The following RNF213 variants were observed in gnomAD, a reference collection of about 807,000 sequenced individuals.
RNF213 encodes the protein E3 ubiquitin-protein ligase RNF213.
A neutral mutation model predicts 514.4 loss-of-function variants in RNF213; 341 were observed. The ratio of observed to expected loss-of-function variants is 0.66; its 90% CI spans 0.61 to 0.73. The LOEUF is 0.73. Ranked by LOEUF, RNF213 falls within the 30% of genes least tolerant of loss-of-function variation. RNF213 has a pLI of 0.00. For synonymous variants in RNF213, 2,655 were observed against 2,658.2 expected, an observed-to-expected ratio of 1.00 and a Z score of 0.04; for missense variants, 5,767 against 6,615.6, an observed-to-expected ratio of 0.87 and a Z score of 4.45.
At chr17:80,349,486 C>T (rs2078426614) in intron 29 of RNF213, among the ~76,000 whole-genome samples, 2 of 152,118 alleles carry the variant, frequency 1.3e-5, no homozygotes, top group Admixed American at 1.3e-4. Context: ...ATGAGAATCT[C>T]AAGTACGGAC....
chr17:80,338,104 TAAG>T lies in RNF213; in HGVS notation c.4833+111_4833+113del, dbSNP rs2078041939. Reference sequence around the variant, plus strand: ...AGGATTTGACTTGGGATTTGACTGATAAGAAGGGCTCTGCTCTTAGGCCCATGG... The same window carrying T: ...AGGATTTGACTTGGGATTTGACTGATAAGGGCTCTGCTCTTAGGCCCATGG... On this transcript the variant is annotated intron_variant, in intron 25 of 67. Coordinates refer to ENST00000582970, the MANE Select transcript of RNF213 (RefSeq NM_001256071.3). 9 of 1,342,580 alleles carry T rather than the reference TAAG, an allele frequency of 6.7e-6. No homozygotes were observed. In the East Asian group the frequency reaches 2.0e-4, roughly 30 times the overall value. 83.2% of individuals were successfully genotyped at this position (1,342,580 alleles called of 1,614,324 possible).
chr17:80,266,322 G>A (rs963534564), intron 2 of RNF213, among the ~76,000 whole-genome samples: 1 of 151,670 alleles, frequency 6.6e-6, no homozygotes, highest in Non-Finnish European at 1.5e-5. Flanking sequence ...GCTGGAGCAG[G>A]AGGATCACTT....
chr17:80,389,415 C>T (rs1318844946), intron 65 of RNF213, 48 bp downstream of exon 65: 1 of 1,547,520 alleles, frequency 6.5e-7, no homozygotes, highest in African/African-American at 1.4e-5. Flanking sequence ...TCACCCTGGT[C>T]TCCTGCTTCC....
rs936851019 is a variant in RNF213 at position 80,289,672 on chromosome 17, A to G, written c.947A>G (p.Lys316Arg). 1.2e-6 allele frequency: 2 copies of G among 1,614,114 alleles called. No individual in the cohort carries two copies. Among genetic ancestry groups the G allele is most frequent in the Non-Finnish European group, 1.7e-6 (2 of 1,180,022 alleles). Residue 316 changes from lysine to arginine, a missense_variant, in exon 6 of 68, where the codon AAG becomes AGG. Around this residue, in one of 13 missense-constraint regions of RNF213, gnomAD observed 509 missense variants for 496.7 expected, o/e 1.02. Transcript: ENST00000582970. ...TCCTTGTTCCAGGAAGCTGAGACCA[A>G]GACCAAGGACGAGATGGCTGCTGCT... is the stretch of plus-strand genomic sequence containing the variant. ...FKTHCQEAETKTKDEMAAAEE... is the reference protein window; with the variant it reads ...FKTHCQEAETRTKDEMAAAEE...
At position 80,264,876 on chromosome 17, in the gene RNF213, C is replaced by T. The variant is rs1404689737; in HGVS notation, c.97+1098C>T. Reference sequence around the variant, plus strand: ...AGAGCCCACCACCTTCTGGCCCTTCCTGGATACACCAGGTGTGCTTCCACC... The same window carrying T: ...AGAGCCCACCACCTTCTGGCCCTTCTTGGATACACCAGGTGTGCTTCCACC... On this transcript the variant is annotated intron_variant, in intron 2 of 67. Transcript: ENST00000582970. The surrounding 1 kb of genome is among the most constrained non-coding windows in gnomAD (Gnocchi z 5.0). Among the ~76,000 whole-genome samples the T allele has an allele frequency of 1.3e-5, 2 of 152,076 alleles. No homozygotes were observed. The highest frequency in any genetic ancestry group is 4.8e-5 in the African/African-American group (2 of 41,400).
At chr17:80,342,710 CATATATAGTATGTATATATATATTATAT>C (rs2078192416) in intron 26 of RNF213, among the ~76,000 whole-genome samples, 1 of 142,330 alleles carries the variant, frequency 7.0e-6, no homozygotes, top group African/African-American at 2.6e-5. Flanking sequence ...TCTATATATA[CATATATAGTATGTATATATATATTATAT>C]ATATATTGTA....
rs1442078561 is a variant in RNF213 at position 80,372,618 on chromosome 17, G to C, written c.12635G>C (p.Ser4212Thr). The change falls in exon 48 of 68, where the codon AGC becomes ACC. Residue 4212 changes from serine (S) to threonine (T), a missense_variant. Coordinates refer to ENST00000582970, the MANE Select transcript of RNF213 (RefSeq NM_001256071.3). ...GRFLKAYSPA[S>T]RGREPANEAS... The stretch of plus-strand genomic sequence containing the variant: ...TTCCTTAAGGCATATTCTCCAGCAA[G>C]CCGGGGCCGAGAGCCTGCCAACGAG... 3.1e-6 allele frequency: 5 copies of C among 1,613,912 alleles called. No homozygotes were observed. Among genetic ancestry groups the C allele is most frequent in the Admixed American group, 1.7e-5 (1 of 59,982 alleles).
intron 3 of RNF213, among the ~76,000 whole-genome samples, chr17:80,280,106 G>C (rs1472703135): frequency 3.3e-5 from 5 of 149,680 alleles, no homozygotes; most frequent in Non-Finnish European, 7.4e-5. Flanking sequence ...GTGGGCTGGG[G>C]CTTGGCCGTG....
chr17:80,353,083 G>T lies in RNF213; in HGVS notation c.10423+24G>T, dbSNP rs747217825. On this transcript the variant is annotated intron_variant, in intron 33 of 67. Coordinates refer to ENST00000582970, the MANE Select transcript of RNF213 (RefSeq NM_001256071.3). This position sits in a 1 kb window ranked among gnomAD's most constrained non-coding sequence, Gnocchi z 5.0. ...GCGTGAGTCACGAGGCGGAGCCCCT[G>T]GGGGAGCAGGTGGTGGAAGGGCAGA... 6 of 1,608,962 alleles carry T rather than the reference G, an allele frequency of 3.7e-6. No homozygotes were observed. The highest frequency in any genetic ancestry group is 3.3e-4 in the Middle Eastern group (2 of 6,062).
rs114101754 is a variant in RNF213, at chr17:80,324,468, T to C, written c.3025-562T>C. On this transcript the variant is annotated intron_variant, in intron 17 of 67. Transcript: ENST00000582970. ...ATAGTTCCTTTAACATGGGGCTGGATAAGGTTTTCTTTTATCCTTTTAAAT... is the reference window on the plus strand; with the variant it reads ...ATAGTTCCTTTAACATGGGGCTGGACAAGGTTTTCTTTTATCCTTTTAAAT... Among the ~76,000 whole-genome samples, 277 of 152,332 alleles carry C rather than the reference T, an allele frequency of 1.8e-3. 1 individual carries two copies. Among genetic ancestry groups the C allele is most frequent in the African/African-American group, 6.3e-3 (264 of 41,578 alleles).
At position 80,295,569 on chromosome 17, in the gene RNF213, C is replaced by T. The variant is rs2044906270; in HGVS notation, c.1768C>T (p.Leu590=). The change falls in exon 10 of 68, where the codon CTG becomes TTG. Residue 590 remains leucine (L), a synonymous_variant. Transcript: ENST00000582970. ...QYREKEVKRY[L]WQHLKKHVVP... is the part of the protein sequence containing the mutation. ...CTCCCACCATCAGGTGAAGAGATAC[C>T]TGTGGCAACATCTGAAAAAACACGT... 1.9e-6 allele frequency: 3 copies of T among 1,614,168 alleles called. No individual in the cohort carries two copies. Among genetic ancestry groups the T allele is most frequent in the Non-Finnish European group, 2.5e-6 (3 of 1,180,024 alleles).
chr17:80,381,894 C>T (rs190700835), intron 57 of RNF213, 167 bp downstream of exon 57: 48 of 718,672 alleles, frequency 6.7e-5, no homozygotes, highest in South Asian at 3.6e-4. Flanking sequence ...CTAGGGAAGG[C>T]GATGCCTGGG....
At chr17:80,265,526 A>C (rs180960440) in intron 2 of RNF213, among the ~76,000 whole-genome samples, 2 of 152,348 alleles carry the variant, frequency 1.3e-5, no homozygotes, top group East Asian at 3.9e-4. Context: ...ACCAAGAAAT[A>C]CAGTGATGCT....
chr17:80,366,544 G>T (rs942018167), intron 42 of RNF213, among the ~76,000 whole-genome samples: 4 of 152,070 alleles, frequency 2.6e-5, no homozygotes, highest in African/African-American at 9.7e-5. Context: ...CTGGAGAAAT[G>T]TCCATTCAAG....
intron 3 of RNF213, among the ~76,000 whole-genome samples, chr17:80,277,536 T>C (rs1350480284): frequency 6.9e-6 from 1 of 144,348 alleles, no homozygotes; most frequent in Non-Finnish European, 1.5e-5. Flanking sequence ...AGGCAGAGGT[T>C]GCAGTGAGCC....
chr17:80,352,639 A>G, intron 32 of RNF213: 1 of 600,940 alleles, frequency 1.7e-6, no homozygotes, highest in Non-Finnish European at 3.0e-6. Flanking sequence ...TACAGCAAAT[A>G]CAACAATGCA....
rs776230866 is a variant in RNF213, at chr17:80,289,798, A to G, written c.1073A>G (p.Gln358Arg). 2.5e-6 allele frequency: 4 copies of G among 1,612,446 alleles called. No homozygotes were observed. Among genetic ancestry groups the G allele is most frequent in the African/African-American group, 2.7e-5 (2 of 74,866 alleles). The change falls in exon 6 of 68, where the codon CAA (glutamine) becomes CGA (arginine). Residue 358 changes from glutamine to arginine, a missense_variant. By Grantham distance (43) the Gln-to-Arg change is conservative (BLOSUM62 1). Transcript: ENST00000582970. ...SAAAVKNEKE[Q>R]KNQEADVQEV... The stretch of plus-strand genomic sequence containing the variant: ...GCTGCTGTGAAAAACGAGAAGGAGC[A>G]AAAAAACCAGGAAGCAGATGTCCAG...
intron 52 of RNF213, 139 bp from the exon 53 acceptor site, chr17:80,376,743 G>A: frequency 9.0e-7 from 1 of 1,111,938 alleles, no homozygotes; most frequent in Non-Finnish European, 1.3e-6. Context: ...AAGCTGTTCT[G>A]TTTTCTTCAC....
At chr17:80,350,015 CTG>C in intron 30 of RNF213, 109 bp downstream of exon 30, 4 of 1,198,068 alleles carry the variant, frequency 3.3e-6, no homozygotes, top group Non-Finnish European at 3.7e-6. Flanking sequence ...AGTCACGTGA[CTG>C]TGAAATAGAT....
Sources: allele counts gnomAD v4.1 joint callset (sites outside exome capture counted in the v4.1 genomes callset), GRCh38; gene constraint gnomAD v4.1.1; regional missense constraint gnomAD v4.1.1; non-coding constraint Gnocchi (gnomAD v3.1); transcripts MANE v1.5; gene names NCBI Gene and HGNC (gene_info 2026-07-23, HGNC 2026-07-21).